Variants in CYTH3 observed in about 807,000 individuals in gnomAD.
CYTH3 encodes cytohesin 3.
A neutral mutation model predicts 55.1 loss-of-function variants in CYTH3; 23 were observed. The ratio of observed to expected loss-of-function variants is 0.42; its 90% CI spans 0.30 to 0.59. The LOEUF is 0.59. Ranked by LOEUF, CYTH3 falls within the 20% of genes least tolerant of loss-of-function variation. The probability of loss-of-function intolerance (pLI) is 0.20; values close to 1 mark genes in which losing one functional copy is unlikely to be tolerated. For synonymous variants in CYTH3, 249 were observed against 194.9 expected (o/e 1.28, Z -2.31); for missense variants, 413 against 524.8 (o/e 0.79, Z 2.08).
rs1301009923 is a variant in CYTH3 at position 6,165,330 on chromosome 7, A to G, written c.1070T>C (p.Val357Ala). The change falls in exon 12 of 13, where the codon GTG (valine) becomes GCG (alanine). Residue 357 changes from valine (V) to alanine (A), a missense_variant. This residue lies in a region of CYTH3 where 98 missense variants were observed against 115.2 expected (regional missense o/e 0.85). Coordinates refer to ENST00000350796, the MANE Select transcript of CYTH3 (RefSeq NM_004227.4). ...CGGGCTCGGGGCTGAGATCCGGTAC[A>G]CCACATGGTTCCCCTCTACCACGCG... is the stretch of plus-strand genomic sequence containing the variant. Reference protein sequence around the residue: ...DGRVVEGNHVVYRISAPSPEE... With the variant: ...DGRVVEGNHVAYRISAPSPEE... The G allele has an allele frequency of 6.2e-7, 1 of 1,614,092 alleles. No individual in the cohort carries two copies. Among genetic ancestry groups the G allele is most frequent in the East Asian group, 2.2e-5 (1 of 44,878 alleles).
Position 6,163,303 on chromosome 7 carries a change from C to T in CYTH3, c.*1641G>A, listed in dbSNP as rs1441225739. The T allele has an allele frequency of 6.6e-6, 1 of 152,298 alleles. No individual in the cohort carries two copies. Among genetic ancestry groups the T allele is most frequent in the African/African-American group, 2.4e-5 (1 of 41,470 alleles). 9.4% of individuals were successfully genotyped at this position (152,298 alleles called of 1,614,324 possible). A position where few individuals can be genotyped will look rare whatever the true frequency, so the allele number is the denominator to read the frequency against. On this transcript the variant is annotated 3_prime_UTR_variant, in exon 13 of 13. Transcript: ENST00000350796. ...AGGTGCACAAAGTCTGAGGTTTTGT[C>T]TCTGGACTGGGCATTTTGCACAGGA...
chr7:6,205,644 G>A (rs1784167389), intron 1 of CYTH3, among the ~76,000 whole-genome samples: 2 of 152,006 alleles, frequency 1.3e-5, no homozygotes, highest in Admixed American at 1.3e-4. Flanking sequence ...ACTAAAGCTA[G>A]AACAACTTAG....
Position 6,173,796 on chromosome 7 carries a change from C to A in CYTH3, c.369-63G>T, listed in dbSNP as rs1783263989. 3 of 964,794 alleles carry A rather than the reference C, an allele frequency of 3.1e-6. No homozygotes were observed. The Admixed American group carries it at 5.3e-5, about 17-fold the overall frequency. 59.8% of individuals were successfully genotyped at this position (964,794 alleles called of 1,614,324 possible). On this transcript the variant is annotated intron_variant, in intron 5 of 12. Coordinates refer to ENST00000350796, the MANE Select transcript of CYTH3 (RefSeq NM_004227.4). ...ATTATCGCAATCATTTTAAAAGATG[C>A]GGCTGATGAATAATGTGGCTATGAA...
At chr7:6,209,211 C>G (rs187049029) in intron 1 of CYTH3, among the ~76,000 whole-genome samples, 6 of 152,388 alleles carry the variant, frequency 3.9e-5, no homozygotes, top group Admixed American at 2.0e-4. Context: ...TCAGTTTCCT[C>G]ATTTGTAAAT....
intron 4 of CYTH3, among the ~76,000 whole-genome samples, chr7:6,184,049 CTTTTTTT>C (rs60634853): frequency 1.9e-4 from 9 of 46,376 alleles, no homozygotes; most frequent in African/African-American, 3.7e-4. Flanking sequence ...CCCTCTGTGG[CTTTTTTT>C]TTTTTTTTTT....
intron 1 of CYTH3, among the ~76,000 whole-genome samples, chr7:6,196,421 T>C (rs1403000087): frequency 6.6e-6 from 1 of 151,806 alleles, no homozygotes; most frequent in African/African-American, 2.4e-5. Context: ...ACTATTACTC[T>C]TACGCATCTG....
chr7:6,220,806 G>C (rs1287728535), intron 1 of CYTH3, among the ~76,000 whole-genome samples: 1 of 152,046 alleles, frequency 6.6e-6, no homozygotes, highest in African/African-American at 2.4e-5. Flanking sequence ...GACCAGCCTG[G>C]GCAACACGGT....
chr7:6,212,144 T>C (rs1413346724), intron 1 of CYTH3, among the ~76,000 whole-genome samples: 1 of 151,850 alleles, frequency 6.6e-6, no homozygotes, highest in Non-Finnish European at 1.5e-5. Flanking sequence ...ATTTCAACCA[T>C]TTTTTTTGAA....
In CYTH3 at chr7:6,164,726, C is replaced by T. The variant is rs567065600; in HGVS notation, c.*218G>A. 4.4e-5 allele frequency: 28 copies of T among 631,542 alleles called. No individual in the cohort carries two copies. The highest frequency in any genetic ancestry group is 8.9e-4 in the Middle Eastern group (2 of 2,256). 39.1% of individuals were successfully genotyped at this position (631,542 alleles called of 1,614,324 possible). A position where few individuals can be genotyped will look rare whatever the true frequency, so the allele number is the denominator to read the frequency against. On this transcript the variant is annotated 3_prime_UTR_variant, in exon 13 of 13. Coordinates refer to ENST00000350796, the MANE Select transcript of CYTH3 (RefSeq NM_004227.4). ...TCGAGGATCAGTCTGGGCCACGGTACGCTCTGGAGCAGCAGCTTGCACTGC... is the reference window on the plus strand; with the variant it reads ...TCGAGGATCAGTCTGGGCCACGGTATGCTCTGGAGCAGCAGCTTGCACTGC...
chr7:6,253,359 A>G (rs1434024590), intron 1 of CYTH3, among the ~76,000 whole-genome samples: 1 of 151,782 alleles, frequency 6.6e-6, no homozygotes, highest in African/African-American at 2.4e-5. Flanking sequence ...GGTATGCAGC[A>G]CCATGCCCAG....
chr7:6,190,560 T>A (rs1476684628), intron 1 of CYTH3, 29 bp from the exon 2 acceptor site: 3 of 1,485,736 alleles, frequency 2.0e-6, no homozygotes, highest in Non-Finnish European at 1.8e-6. Context: ...AATTAACTAC[T>A]TTGGAGAACA....
chr7:6,207,330 G>A (rs1044993361), intron 1 of CYTH3, among the ~76,000 whole-genome samples: 1 of 151,966 alleles, frequency 6.6e-6, no homozygotes, highest in African/African-American at 2.4e-5. Context: ...TCCTGACCTC[G>A]TGATCCACTT....
chr7:6,223,559 G>A (rs904556771), intron 1 of CYTH3, among the ~76,000 whole-genome samples: 2 of 152,104 alleles, frequency 1.3e-5, no homozygotes, highest in African/African-American at 4.8e-5. Context: ...TCTGAAACAT[G>A]TGCTGTGTCA....
chr7:6,231,747 T>C (rs960100551), intron 1 of CYTH3, among the ~76,000 whole-genome samples: 1 of 152,146 alleles, frequency 6.6e-6, no homozygotes, highest in Non-Finnish European at 1.5e-5. Context: ...GATATTAACA[T>C]GATTATTATC....
intron 1 of CYTH3, among the ~76,000 whole-genome samples, chr7:6,249,326 A>G (rs1391940594): frequency 2.0e-5 from 3 of 152,230 alleles, no homozygotes; most frequent in Non-Finnish European, 4.4e-5. Context: ...GTGTTGGTAC[A>G]CACCCATTGA....
chr7:6,234,692 A>G (rs900450921), intron 1 of CYTH3, among the ~76,000 whole-genome samples: 4 of 152,130 alleles, frequency 2.6e-5, no homozygotes, highest in African/African-American at 9.7e-5. Context: ...GCAAACTGGG[A>G]GAGCTGTAGC....
chr7:6,248,597 T>C (rs1779884321), intron 1 of CYTH3, among the ~76,000 whole-genome samples: 1 of 152,172 alleles, frequency 6.6e-6, no homozygotes, highest in Non-Finnish European at 1.5e-5. Flanking sequence ...GCCGCGTGTG[T>C]CCTCTGGCCT....
intron 1 of CYTH3, among the ~76,000 whole-genome samples, chr7:6,220,518 A>T (rs1026446090): frequency 1.1e-4 from 16 of 151,380 alleles, no homozygotes; most frequent in Admixed American, 9.9e-4. Context: ...TCTGCAAAGC[A>T]TTAAAAGGAT....
In CYTH3 at chr7:6,171,369, G is replaced by GCCTTCTGC; in HGVS notation, c.450-56_450-55insGCAGAAGG. 2 of 1,548,742 alleles carry GCCTTCTGC rather than the reference G, an allele frequency of 1.3e-6. No homozygotes were observed. Among genetic ancestry groups the GCCTTCTGC allele is most frequent in the Non-Finnish European group, 1.8e-6 (2 of 1,122,970 alleles). ...GCATCAGAACCAACACCGCCTCACGGCCAAGGGCGGCTTCTGCCCAGCTCA... is the reference window on the plus strand; with the variant it reads ...GCATCAGAACCAACACCGCCTCACGGCCTTCTGCCCAAGGGCGGCTTCTGCCCAGCTCA... On this transcript the variant is annotated intron_variant, in intron 6 of 12. Coordinates refer to ENST00000350796, the MANE Select transcript of CYTH3 (RefSeq NM_004227.4). The surrounding 1 kb of genome is among the most constrained non-coding windows in gnomAD (Gnocchi z 6.7).
Sources: allele counts gnomAD v4.1 joint callset (sites outside exome capture counted in the v4.1 genomes callset), GRCh38; gene constraint gnomAD v4.1.1; regional missense constraint gnomAD v4.1.1; non-coding constraint Gnocchi (gnomAD v3.1); transcripts MANE v1.5; gene names NCBI Gene and HGNC (gene_info 2026-07-23, HGNC 2026-07-21).